The following MOB3B variants were observed in gnomAD, a reference collection of about 807,000 sequenced individuals.
The protein encoded by MOB3B is MOB kinase activator 3B, also known as MOB kinase activator-like 2B.
A neutral mutation model predicts 18.7 loss-of-function variants in MOB3B; 7 were observed. The ratio of observed to expected loss-of-function variants is 0.37; its 90% confidence interval spans 0.21 to 0.70. The LOEUF (loss-of-function observed/expected upper bound fraction) is 0.70, where lower values mean the gene tolerates loss of function less well. Ranked by LOEUF, MOB3B falls within the 30% of genes least tolerant of loss-of-function variation. The pLI is 0.52. For missense variants in MOB3B, 253 were observed against 281.3 expected (o/e 0.90, Z 0.72); for synonymous variants, 111 against 99.9 (o/e 1.11, Z -0.66).
intron 1 of MOB3B, among the ~76,000 whole-genome samples, chr9:27,469,547 G>A (rs1819439397): frequency 1.3e-5 from 2 of 152,164 alleles, no homozygotes; most frequent in South Asian, 4.1e-4. Context: ...ATGGCTGACA[G>A]GATTGTACAG....
chr9:27,488,170 T>C (rs1166643947), intron 1 of MOB3B, among the ~76,000 whole-genome samples: 31 of 152,200 alleles, frequency 2.0e-4, no homozygotes, highest in Admixed American at 2.0e-3. Flanking sequence ...TTTCCTATTA[T>C]GTTGTATCCA....
intron 2 of MOB3B, among the ~76,000 whole-genome samples, chr9:27,371,101 A>G (rs1434952991): frequency 6.6e-6 from 1 of 152,252 alleles, no homozygotes; most frequent in Non-Finnish European, 1.5e-5. Context: ...TTTCATCTAA[A>G]TAAAGTCAAA....
At chr9:27,508,898 T>A (rs1299422726) in intron 1 of MOB3B, among the ~76,000 whole-genome samples, 3 of 152,192 alleles carry the variant, frequency 2.0e-5, no homozygotes, top group Non-Finnish European at 4.4e-5. Context: ...AAAATGCTAA[T>A]CCTTCCACTA....
chr9:27,418,723 C>T (rs548741259), intron 2 of MOB3B, among the ~76,000 whole-genome samples: 2 of 152,280 alleles, frequency 1.3e-5, no homozygotes, highest in East Asian at 1.9e-4. Flanking sequence ...CCACAGCCAA[C>T]ATAATACTGA....
chr9:27,494,110 C>T (rs1236434841), intron 1 of MOB3B, among the ~76,000 whole-genome samples: 1 of 152,218 alleles, frequency 6.6e-6, no homozygotes, highest in Admixed American at 6.5e-5. Flanking sequence ...TCCCATAGTG[C>T]TCCCAGGCTT....
In MOB3B at chr9:27,333,310, A is replaced by G. The variant is rs1185294260; in HGVS notation, c.622-2694T>C. Among the ~76,000 whole-genome samples the G allele has an allele frequency of 3.3e-5, 5 of 152,160 alleles. No individual in the cohort carries two copies. In the East Asian group the frequency reaches 9.6e-4, roughly 29 times the overall value. ...CTTCAAAGCTCTGCAAGACTCTGCA[A>G]GCTGTATTCTAGCACTTGCCCACTG... On this transcript the variant is annotated intron_variant, in intron 3 of 3. Transcript: ENST00000262244.
chr9:27,516,408 T>C (rs1286336662), intron 1 of MOB3B, among the ~76,000 whole-genome samples: 2 of 152,172 alleles, frequency 1.3e-5, no homozygotes, highest in Non-Finnish European at 2.9e-5. Context: ...GGGAGGCATA[T>C]ACTAAAATAG....
intron 2 of MOB3B, among the ~76,000 whole-genome samples, chr9:27,453,257 G>T (rs1305303248): frequency 6.6e-6 from 1 of 152,092 alleles, no homozygotes; most frequent in Non-Finnish European, 1.5e-5. Flanking sequence ...CATATTAAAA[G>T]TCCTGTGGTA....
At chr9:27,333,061 C>A (rs1342912701) in intron 3 of MOB3B, among the ~76,000 whole-genome samples, 1 of 152,070 alleles carries the variant, frequency 6.6e-6, no homozygotes, top group Non-Finnish European at 1.5e-5. Context: ...TGGGCAAATA[C>A]TAGAACAATT....
At chr9:27,348,734 T>G (rs577637372) in intron 3 of MOB3B, among the ~76,000 whole-genome samples, 1 of 152,316 alleles carries the variant, frequency 6.6e-6, no homozygotes, top group Admixed American at 6.5e-5. Context: ...CTACTTCTAA[T>G]GAATGGAAAG....
chr9:27,407,789 T>G (rs1437851864), intron 2 of MOB3B, among the ~76,000 whole-genome samples: 1 of 152,188 alleles, frequency 6.6e-6, no homozygotes, highest in African/African-American at 2.4e-5. Flanking sequence ...CAGTGTTGTC[T>G]CTGGCAAGAC....
At chr9:27,459,628 A>T (rs1029217215) in intron 1 of MOB3B, among the ~76,000 whole-genome samples, 1 of 152,188 alleles carries the variant, frequency 6.6e-6, no homozygotes, top group African/African-American at 2.4e-5. Context: ...CGAGAAAAAA[A>T]AATGAGAGAT....
chr9:27,342,873 C>T (rs980735947), intron 3 of MOB3B, among the ~76,000 whole-genome samples: 66 of 151,454 alleles, frequency 4.4e-4, no homozygotes, highest in Middle Eastern at 3.4e-3. Flanking sequence ...ATTGCAGCCT[C>T]TGCCCGGCCG....
intron 2 of MOB3B, chr9:27,421,273 T>C (rs1448184895): frequency 6.6e-6 from 1 of 152,174 alleles, no homozygotes; most frequent in Non-Finnish European, 1.5e-5. Context: ...GTATTTTTAG[T>C]GGAGATGGGG....
chr9:27,350,574 T>C (rs901896076), intron 3 of MOB3B, among the ~76,000 whole-genome samples: 4 of 152,138 alleles, frequency 2.6e-5, no homozygotes, highest in African/African-American at 9.7e-5. Context: ...AAGGGATGAA[T>C]AAATAGGACT....
intron 3 of MOB3B, among the ~76,000 whole-genome samples, chr9:27,357,914 A>AAAAAAAAAAAAAAAAAAAC (rs1821217295): frequency 9.3e-6 from 1 of 107,052 alleles, no homozygotes; most frequent in Non-Finnish European, 2.0e-5. Context: ...AAAAAAAAAA[A>AAAAAAAAAAAAAAAAAAAC]AAAAAAATAG....
At chr9:27,401,107 G>A (rs1017689735) in intron 2 of MOB3B, among the ~76,000 whole-genome samples, 3 of 152,322 alleles carry the variant, frequency 2.0e-5, no homozygotes, top group Admixed American at 6.5e-5. Flanking sequence ...CAATGGAACC[G>A]GGCCAGGGAA....
intron 2 of MOB3B, among the ~76,000 whole-genome samples, chr9:27,364,452 G>A (rs1362505569): frequency 1.3e-5 from 2 of 152,152 alleles, no homozygotes; most frequent in Non-Finnish European, 2.9e-5. Flanking sequence ...GGTTTACAAC[G>A]TACCCAAGCA....
chr9:27,371,125 A>G (rs4483251), intron 2 of MOB3B, among the ~76,000 whole-genome samples: 20,626 of 152,242 alleles, frequency 0.14, 1,506 homozygotes, highest in South Asian at 0.18. Flanking sequence ...GTAGTTTTCC[A>G]GAGTTATTAA....
Sources: gnomAD v4.1 joint callset for allele counts (sites outside exome capture counted in the v4.1 genomes callset) on GRCh38, gnomAD v4.1.1 for gene constraint, MANE v1.5 for transcripts, NCBI Gene and HGNC (gene_info 2026-07-23, HGNC 2026-07-21) for gene names.